TNIK: variants seen among roughly 807,000 people sequenced by gnomAD.
TNIK encodes TRAF2 and NCK-interacting protein kinase.
TNIK carries 49 observed loss-of-function variants against 191.3 expected under a neutral mutation model. The observed-to-expected ratio is 0.26, with a 90% CI of 0.20 to 0.32. TNIK has a LOEUF of 0.32. Among genes scored for constraint, TNIK ranks in the 10% least tolerant of loss-of-function variants. The pLI, the probability that TNIK is intolerant of heterozygous loss-of-function variation, is 1.00. For synonymous variants in TNIK, 594 were observed against 600.9 expected, an observed-to-expected ratio of 0.99 and a Z score of 0.17; for missense variants, 1,155 against 1,702.3, an observed-to-expected ratio of 0.68 and a Z score of 5.66.
intron 1 of TNIK, among the ~76,000 whole-genome samples, chr3:171,412,997 C>T (rs1722600458): frequency 6.6e-6 from 1 of 152,158 alleles, no homozygotes; most frequent in African/African-American, 2.4e-5. Context: ...GCAAACTATA[C>T]CTTGGCGAGA....
chr3:171,419,774 G>A (rs6765164), intron 1 of TNIK, among the ~76,000 whole-genome samples: 6,024 of 152,170 alleles, frequency 0.04, 403 homozygotes, highest in African/African-American at 0.14. Flanking sequence ...AATAACTAAT[G>A]GTCATTGTTG....
chr3:171,430,269 C>A (rs776347388), intron 1 of TNIK, among the ~76,000 whole-genome samples: 1 of 152,074 alleles, frequency 6.6e-6, no homozygotes, highest in Non-Finnish European at 1.5e-5. Context: ...TACCTCTACA[C>A]CTAATTTTAA....
chr3:171,318,991 C>T (rs758261934), intron 2 of TNIK, among the ~76,000 whole-genome samples: 1 of 151,902 alleles, frequency 6.6e-6, no homozygotes, highest in Non-Finnish European at 1.5e-5. Flanking sequence ...ATAGCAAGAC[C>T]CTGTCTACAT....
At chr3:171,316,669 C>T (rs1754628201) in intron 2 of TNIK, among the ~76,000 whole-genome samples, 1 of 151,976 alleles carries the variant, frequency 6.6e-6, no homozygotes, top group Non-Finnish European at 1.5e-5. Context: ...CAGTAAGAAG[C>T]CACTGAGCTT....
chr3:171,390,397 C>T (rs969724010), intron 1 of TNIK, among the ~76,000 whole-genome samples: 1 of 152,192 alleles, frequency 6.6e-6, no homozygotes, highest in Non-Finnish European at 1.5e-5. Flanking sequence ...AAGGTTACAG[C>T]CTCTTTTTGT....
chr3:171,144,999 C>T (rs924365878), intron 12 of TNIK, among the ~76,000 whole-genome samples: 8 of 152,044 alleles, frequency 5.3e-5, no homozygotes, highest in South Asian at 2.1e-4. Context: ...TCTTTATTCA[C>T]GCATCCACTG....
At chr3:171,277,943 C>T (rs1369049494) in intron 2 of TNIK, among the ~76,000 whole-genome samples, 1 of 152,178 alleles carries the variant, frequency 6.6e-6, no homozygotes, top group East Asian at 1.9e-4. Flanking sequence ...TTGGCAGGAT[C>T]GCTTGAGCCC....
At chr3:171,388,357 G>T (rs1719012968) in intron 1 of TNIK, among the ~76,000 whole-genome samples, 1 of 152,110 alleles carries the variant, frequency 6.6e-6, no homozygotes, top group Non-Finnish European at 1.5e-5. Context: ...AAAAGGTTAG[G>T]GGTCTCTAAG....
At chr3:171,265,135 G>A (rs151291457) in intron 2 of TNIK, among the ~76,000 whole-genome samples, 22 of 152,272 alleles carry the variant, frequency 1.4e-4, no homozygotes, top group Middle Eastern at 6.8e-3. Flanking sequence ...AAGTGAACCC[G>A]GGTACTCCCC....
intron 11 of TNIK, 63 bp downstream of exon 11, chr3:171,161,207 T>C: frequency 6.5e-7 from 1 of 1,540,352 alleles, no homozygotes; most frequent in Middle Eastern, 1.8e-4. Context: ...AAAAGGAAAG[T>C]GAATTTCACA....
chr3:171,320,027 T>C (rs1310800460), intron 2 of TNIK, among the ~76,000 whole-genome samples: 1 of 152,134 alleles, frequency 6.6e-6, no homozygotes, highest in Admixed American at 6.6e-5. Context: ...AATCTGTGGC[T>C]ATTCAATATG....
Position 171,063,532 on chromosome 3 carries a change from AAAG to A in TNIK, c.*346_*348del, listed in dbSNP as rs1718046718. 1 of 178,306 alleles carries A rather than the reference AAAG, an allele frequency of 5.6e-6. No individual in the cohort carries two copies. The highest frequency in any genetic ancestry group is 1.2e-5 in the Non-Finnish European group (1 of 85,568). The allele number at this position is 178,306 out of a possible 1,614,324, so 11.0% of individuals were successfully genotyped here. On this transcript the variant is annotated 3_prime_UTR_variant, in exon 33 of 33. Transcript: ENST00000436636. ...CTTGCAGAGTAAAGGGGTAAAGAAA[AAAG>A]GTAAAAACCTGAAAACCCACCATAA...
rs896330553 is a variant in TNIK, at chr3:171,344,917, G to T, written c.123+24703C>A. On this transcript the variant is annotated intron_variant, in intron 2 of 32. Transcript: ENST00000436636. The stretch of plus-strand genomic sequence containing the variant: ...GACTAAATGATTTAGGAGCTGCCGA[G>T]ATTAATAACTCATTTGTATATATAT... 2.0e-5 allele frequency among the ~76,000 whole-genome samples: 3 copies of T among 152,220 alleles called. No homozygotes were observed. The South Asian group carries it at 6.2e-4, about 32-fold the overall frequency.
intron 2 of TNIK, among the ~76,000 whole-genome samples, chr3:171,357,905 G>C (rs1224789813): frequency 1.3e-5 from 2 of 152,166 alleles, no homozygotes; most frequent in Non-Finnish European, 1.5e-5. Context: ...GCTGGAGGGG[G>C]AGGCAGAGGT....
At chr3:171,156,989 C>G (rs1733269599) in intron 12 of TNIK, among the ~76,000 whole-genome samples, 1 of 152,190 alleles carries the variant, frequency 6.6e-6, no homozygotes, top group Admixed American at 6.5e-5. Flanking sequence ...TATGAGGCAC[C>G]TACGACATGC....
intron 15 of TNIK, 37 bp from the exon 16 acceptor site, chr3:171,128,915 T>G (rs1576905761): frequency 7.7e-7 from 1 of 1,290,932 alleles, no homozygotes; most frequent in African/African-American, 1.7e-5. Context: ...AAAGACAGCC[T>G]CAATGTATAG....
At chr3:171,089,295 TA>T (rs1319515503) in intron 23 of TNIK, among the ~76,000 whole-genome samples, 5 of 152,242 alleles carry the variant, frequency 3.3e-5, no homozygotes, top group Non-Finnish European at 7.3e-5. Context: ...TTTCCTTTTC[TA>T]AATGACATTT....
intron 2 of TNIK, among the ~76,000 whole-genome samples, chr3:171,343,073 T>A (rs1426297653): frequency 6.6e-6 from 1 of 152,198 alleles, no homozygotes; most frequent in Admixed American, 6.5e-5. Context: ...TCTTTATAAG[T>A]TACCCATCTT....
At chr3:171,139,948 G>A (rs73169775) in intron 13 of TNIK, among the ~76,000 whole-genome samples, 4 of 152,334 alleles carry the variant, frequency 2.6e-5, no homozygotes, top group Non-Finnish European at 5.9e-5. Flanking sequence ...ATGCCATCGT[G>A]CACTGTCTTT....
Sources: allele counts gnomAD v4.1 joint callset (sites outside exome capture counted in the v4.1 genomes callset), GRCh38; gene constraint gnomAD v4.1.1; transcripts MANE v1.5; gene names NCBI Gene and HGNC (gene_info 2026-07-23, HGNC 2026-07-21).